CSMD2: variants seen among roughly 807,000 people sequenced by gnomAD.
CSMD2 encodes the protein CUB and Sushi multiple domains 2.
A neutral mutation model predicts 398.5 loss-of-function variants in CSMD2; 130 were observed. That is an observed-to-expected ratio of 0.33 (90% CI 0.28 to 0.38). The LOEUF is 0.38. Ranked by LOEUF, CSMD2 falls within the 10% of genes least tolerant of loss-of-function variation. CSMD2 has a pLI of 1.00. For synonymous variants in CSMD2, 1,828 were observed against 1,908.5 expected (o/e 0.96, Z 1.10); for missense variants, 3,829 against 4,764.9 (o/e 0.80, Z 5.78).
intron 3 of CSMD2, among the ~76,000 whole-genome samples, chr1:34,002,028 C>A (rs1646920374): frequency 6.6e-6 from 1 of 152,130 alleles, no homozygotes; most frequent in South Asian, 2.1e-4. Context: ...ATTCCTTCAA[C>A]CTTTGTTTTT....
chr1:33,664,905 C>T (rs922345179), intron 25 of CSMD2, among the ~76,000 whole-genome samples: 68 of 152,164 alleles, frequency 4.5e-4, no homozygotes, highest in African/African-American at 1.3e-3. Flanking sequence ...AATTTATATT[C>T]GCACTAATCA....
At chr1:34,046,829 G>A (rs138094287) in intron 2 of CSMD2, among the ~76,000 whole-genome samples, 2,021 of 152,220 alleles carry the variant, frequency 0.013, 25 homozygotes, top group Middle Eastern at 0.021. Context: ...ACTCACTCTC[G>A]AGGGATTTAC....
intron 1 of CSMD2, 49 bp from the exon 2 acceptor site, chr1:34,089,242 A>C: frequency 6.5e-7 from 1 of 1,539,862 alleles, no homozygotes; most frequent in Non-Finnish European, 8.9e-7. Flanking sequence ...TAACTCCTAG[A>C]AGCTTCTAGA....
chr1:33,803,212 C>T (rs1453171354), intron 10 of CSMD2, among the ~76,000 whole-genome samples: 1 of 152,190 alleles, frequency 6.6e-6, no homozygotes, highest in African/African-American at 2.4e-5. Flanking sequence ...TTTGCTCTTT[C>T]TCCTGTCACG....
intron 21 of CSMD2, among the ~76,000 whole-genome samples, chr1:33,712,046 GAAAC>G (rs1475223426): frequency 1.4e-4 from 21 of 152,224 alleles, no homozygotes; most frequent in Admixed American, 1.3e-3. Flanking sequence ...ATGTTCCAGA[GAAAC>G]AAACAGTCAC....
intron 4 of CSMD2, among the ~76,000 whole-genome samples, chr1:33,934,720 G>A (rs976982556): frequency 3.9e-5 from 6 of 151,918 alleles, no homozygotes; most frequent in Admixed American, 6.6e-5. Context: ...CGTGTGCCAC[G>A]TATGGTGGCT....
chr1:33,809,072 G>A (rs1166334073), intron 10 of CSMD2, among the ~76,000 whole-genome samples: 6 of 151,632 alleles, frequency 4.0e-5, no homozygotes, highest in South Asian at 2.1e-4. Flanking sequence ...ACCAGACCAC[G>A]ATAGTTTTGC....
chr1:33,579,187 G>A (rs985137366), intron 48 of CSMD2, among the ~76,000 whole-genome samples: 6 of 152,148 alleles, frequency 3.9e-5, no homozygotes, highest in Non-Finnish European at 8.8e-5. Flanking sequence ...TCCTAATTTA[G>A]CAACCAGCAT....
At chr1:34,084,616 G>A (rs374257184) in intron 2 of CSMD2, among the ~76,000 whole-genome samples, 5 of 152,098 alleles carry the variant, frequency 3.3e-5, no homozygotes, top group South Asian at 2.1e-4. Flanking sequence ...GCAGCCAAAA[G>A]ACACATGAAA....
chr1:33,590,412 A>G (rs1326279364), intron 44 of CSMD2, among the ~76,000 whole-genome samples: 2 of 148,756 alleles, frequency 1.3e-5, no homozygotes, highest in African/African-American at 5.0e-5. Context: ...TGCTGGGATT[A>G]CAGGTGTGAG....
intron 2 of CSMD2, among the ~76,000 whole-genome samples, chr1:34,052,132 C>T: frequency 6.6e-6 from 1 of 151,142 alleles, no homozygotes; most frequent in African/African-American, 2.4e-5. Context: ...GTCTTCACAA[C>T]CATGTGAGCC....
chr1:34,068,098 GT>G (rs1395222907), intron 2 of CSMD2, among the ~76,000 whole-genome samples: 18 of 152,270 alleles, frequency 1.2e-4, no homozygotes, highest in African/African-American at 4.1e-4. Context: ...CTTGAAGTTT[GT>G]TTCCCTGGAA....
rs759580387 is a variant in CSMD2 at position 33,572,633 on chromosome 1, G to A, written c.7635C>T (p.Tyr2545=). Residue 2545 remains tyrosine, a synonymous_variant, in exon 50 of 71, where the codon TAC becomes TAT. Coordinates refer to ENST00000373381, the MANE Select transcript of CSMD2 (RefSeq NM_001281956.2). ...PKNGMVFGKE[Y]TVGTKAMYSC... is the part of the protein sequence containing the mutation. ...TGTACATGGCCTTGGTTCCCACTGTGTACTCCTTGCCAAACACCATTCCAT... is the reference window on the plus strand; with the variant it reads ...TGTACATGGCCTTGGTTCCCACTGTATACTCCTTGCCAAACACCATTCCAT... The A allele has an allele frequency of 6.2e-7, 1 of 1,614,006 alleles. No individual in the cohort carries two copies.
At chr1:33,673,394 G>A (rs571137570) in intron 25 of CSMD2, among the ~76,000 whole-genome samples, 113 of 152,338 alleles carry the variant, frequency 7.4e-4, no homozygotes, top group African/African-American at 2.6e-3. Context: ...AATGAAGCGA[G>A]AAGAGAAGTT....
intron 3 of CSMD2, among the ~76,000 whole-genome samples, chr1:33,971,475 C>T (rs1645762236): frequency 6.6e-6 from 1 of 152,248 alleles, no homozygotes; most frequent in Non-Finnish European, 1.5e-5. Flanking sequence ...GGTCTTTCCC[C>T]TGATCCTGGT....
At chr1:33,954,539 A>G (rs1244179243) in intron 3 of CSMD2, among the ~76,000 whole-genome samples, 1 of 152,140 alleles carries the variant, frequency 6.6e-6, no homozygotes, top group South Asian at 2.1e-4. Flanking sequence ...ACAACAGCCA[A>G]GCGGGAGAAG....
intron 3 of CSMD2, among the ~76,000 whole-genome samples, chr1:34,023,180 T>C: frequency 6.6e-6 from 1 of 152,170 alleles, no homozygotes; most frequent in East Asian, 1.9e-4. Context: ...GGGTTTCAAG[T>C]GAAAGCTCTC....
At chr1:33,787,280 A>C (rs1313003784) in intron 12 of CSMD2, among the ~76,000 whole-genome samples, 1 of 152,238 alleles carries the variant, frequency 6.6e-6, no homozygotes, top group Non-Finnish European at 1.5e-5. Context: ...GAAGCCAGCC[A>C]GCCCAAGAAC....
At position 33,525,051 on chromosome 1, in the gene CSMD2, A is replaced by G; in HGVS notation, c.10235-8T>C. On this transcript the variant is annotated splice_region_variant and splice_polypyrimidine_tract_variant and intron_variant, in intron 65 of 70. Coordinates refer to ENST00000373381, the MANE Select transcript of CSMD2 (RefSeq NM_001281956.2). ...CAAAAACATCCCCAGGAACTAGAGGAATTGAGAAATAGATGTGAGAGGGAC... is the reference window on the plus strand; with the variant it reads ...CAAAAACATCCCCAGGAACTAGAGGGATTGAGAAATAGATGTGAGAGGGAC... 1 of 1,614,024 alleles carries G rather than the reference A, an allele frequency of 6.2e-7. No individual in the cohort carries two copies. Among genetic ancestry groups the G allele is most frequent in the East Asian group, 2.2e-5 (1 of 44,882 alleles).
Sources: gnomAD v4.1 joint callset for allele counts (sites outside exome capture counted in the v4.1 genomes callset) on GRCh38, gnomAD v4.1.1 for gene constraint, MANE v1.5 for transcripts, NCBI Gene and HGNC (gene_info 2026-07-23, HGNC 2026-07-21) for gene names.